The following IGF2BP2 variants were observed in gnomAD, a reference collection of about 807,000 sequenced individuals.
IGF2BP2 encodes insulin like growth factor 2 mRNA binding protein 2, also known as insulin-like growth factor 2 mRNA-binding protein 2.
Under a neutral mutation model 75.8 loss-of-function variants are expected in IGF2BP2, and 17 were observed. The observed-to-expected ratio is 0.22, with a 90% CI of 0.15 to 0.34. IGF2BP2 has a LOEUF of 0.34. IGF2BP2 is among the 10% of genes least tolerant of loss of function. The probability of loss-of-function intolerance (pLI) is 1.00; values close to 1 mark genes in which losing one functional copy is unlikely to be tolerated. For synonymous variants in IGF2BP2, 288 were observed against 295.6 expected (o/e 0.97, Z 0.26); for missense variants, 516 against 772.4 (o/e 0.67, Z 3.93).
intron 2 of IGF2BP2, among the ~76,000 whole-genome samples, chr3:185,722,911 G>C (rs1057241609): frequency 1.6e-4 from 24 of 152,146 alleles, no homozygotes; most frequent in Non-Finnish European, 2.6e-4. Flanking sequence ...CACTATGATA[G>C]AGTGTTTTCA....
intron 2 of IGF2BP2, among the ~76,000 whole-genome samples, chr3:185,775,270 C>T (rs1052089426): frequency 1.3e-5 from 2 of 152,086 alleles, no homozygotes; most frequent in African/African-American, 4.8e-5. Context: ...TGATTAATAC[C>T]CATATTACTG....
chr3:185,677,200 C>T (rs937213537), intron 7 of IGF2BP2, among the ~76,000 whole-genome samples: 2 of 149,668 alleles, frequency 1.3e-5, no homozygotes, highest in African/African-American at 2.5e-5. Flanking sequence ...GGGAGGAAAC[C>T]CTAAAGGCTG....
intron 2 of IGF2BP2, among the ~76,000 whole-genome samples, chr3:185,797,648 A>T (rs1264977486): frequency 1.3e-5 from 2 of 152,230 alleles, no homozygotes; most frequent in African/African-American, 4.8e-5. Context: ...TCATGCCTGT[A>T]ATCCCAGCAC....
At chr3:185,660,649 T>G (rs1716286263) in intron 10 of IGF2BP2, among the ~76,000 whole-genome samples, 1 of 152,144 alleles carries the variant, frequency 6.6e-6, no homozygotes, top group African/African-American at 2.4e-5. Context: ...CTTGGCAAGC[T>G]CAAGTTTTGC....
At chr3:185,657,244 G>A in intron 12 of IGF2BP2, 42 bp downstream of exon 12, 1 of 1,347,196 alleles carries the variant, frequency 7.4e-7, no homozygotes, top group Non-Finnish European at 1.1e-6. Flanking sequence ...GGGATGAGAG[G>A]AGGTGGTAGA....
At chr3:185,821,351 T>C (rs911031603) in intron 2 of IGF2BP2, among the ~76,000 whole-genome samples, 8 of 152,166 alleles carry the variant, frequency 5.3e-5, no homozygotes, top group Non-Finnish European at 1.2e-4. Flanking sequence ...CATCAACTAA[T>C]AGGGCTGTAT....
intron 5 of IGF2BP2, 51 bp downstream of exon 5, chr3:185,692,648 C>A (rs1347331953): frequency 2.8e-6 from 4 of 1,449,544 alleles, no homozygotes; most frequent in African/African-American, 1.4e-5. Flanking sequence ...CAATGGAATT[C>A]AAATATAAAA....
chr3:185,775,998 C>A (rs980829920), intron 2 of IGF2BP2, among the ~76,000 whole-genome samples: 1 of 152,196 alleles, frequency 6.6e-6, no homozygotes, highest in Non-Finnish European at 1.5e-5. Flanking sequence ...AATCCCAGCA[C>A]TTTGGGTGGC....
intron 2 of IGF2BP2, among the ~76,000 whole-genome samples, chr3:185,719,323 T>C (rs958097458): frequency 6.6e-6 from 1 of 152,132 alleles, no homozygotes; most frequent in Non-Finnish European, 1.5e-5. Flanking sequence ...TGATGAACAG[T>C]AGTATGAAAG....
chr3:185,645,574 T>A lies in IGF2BP2; in HGVS notation c.1757A>T (p.Glu586Val), dbSNP rs757317521. ...GGCGACTCCCTGAGGGTATTTCTGC[T>A]CCTGCTGCTTCACCTGTTGTACAAT... ...REIVQQVKQQ[E>V]QKYPQGVASQ... is the part of the protein sequence containing the mutation. The change falls in exon 16 of 16, where the codon GAG becomes GTG. Residue 586 changes from glutamate (E) to valine (V), a missense_variant. Physicochemically the swap from Glu to Val is moderately radical, Grantham distance 121 (BLOSUM62 -2). Coordinates refer to ENST00000382199, the MANE Select transcript of IGF2BP2 (RefSeq NM_006548.6). This position sits in a 1 kb window ranked among gnomAD's most constrained non-coding sequence, Gnocchi z 4.9. The A allele has an allele frequency of 2.0e-5, 33 of 1,613,752 alleles. No homozygotes were observed. The East Asian group carries it at 6.7e-4, about 33-fold the overall frequency.
At chr3:185,823,120 T>G in intron 2 of IGF2BP2, 33 bp downstream of exon 2, 1 of 1,482,858 alleles carries the variant, frequency 6.7e-7, no homozygotes, top group Non-Finnish European at 9.2e-7. Flanking sequence ...GTAAGGCCAA[T>G]CGCAAAAAAA....
intron 2 of IGF2BP2, among the ~76,000 whole-genome samples, chr3:185,814,626 G>A (rs1365326241): frequency 3.9e-5 from 6 of 152,104 alleles, no homozygotes; most frequent in Admixed American, 2.6e-4. Context: ...CTTGACTGAG[G>A]AAAGTAATTA....
chr3:185,722,276 C>T (rs1473833183), intron 2 of IGF2BP2: 2 of 455,594 alleles, frequency 4.4e-6, no homozygotes, highest in East Asian at 1.4e-4. Context: ...AACTGAGGCA[C>T]AAAAAGAGGA....
intron 2 of IGF2BP2, among the ~76,000 whole-genome samples, chr3:185,801,045 G>T (rs1738183554): frequency 6.6e-6 from 1 of 152,024 alleles, no homozygotes; most frequent in Admixed American, 6.6e-5. Context: ...AAGAGTGGGT[G>T]AAGGATATGA....
At chr3:185,713,409 C>CA (rs755520552) in intron 2 of IGF2BP2, 1 of 519,852 alleles carries the variant, frequency 1.9e-6, no homozygotes, top group Non-Finnish European at 3.8e-6. Context: ...GGAAAAGCAG[C>CA]AGTGGGCGGC....
At chr3:185,674,693 TA>T (rs1258751086) in intron 9 of IGF2BP2, among the ~76,000 whole-genome samples, 1 of 152,202 alleles carries the variant, frequency 6.6e-6, no homozygotes, top group Admixed American at 6.5e-5. Context: ...CAATATTATG[TA>T]AGGTTCAGAA....
intron 2 of IGF2BP2, among the ~76,000 whole-genome samples, chr3:185,811,877 T>TCC (rs955422439): frequency 5.0e-4 from 24 of 48,010 alleles, no homozygotes; most frequent in African/African-American, 3.0e-3. Context: ...TCTCTCTCTC[T>TCC]CCCCCTCTCC....
chr3:185,657,213 C>T (rs1715587727), intron 12 of IGF2BP2, 73 bp downstream of exon 12: 1 of 1,007,286 alleles, frequency 9.9e-7, no homozygotes, highest in Non-Finnish European at 1.6e-6. Context: ...CTGCCTGGGA[C>T]TGAGAGGGAA....
chr3:185,745,771 C>T (rs1312997886), intron 2 of IGF2BP2, among the ~76,000 whole-genome samples: 3 of 151,366 alleles, frequency 2.0e-5, no homozygotes, highest in Admixed American at 6.6e-5. Flanking sequence ...TCACAGTGCA[C>T]AGCATAGCTG....
Sources: gnomAD v4.1 joint callset for allele counts (sites outside exome capture counted in the v4.1 genomes callset) on GRCh38, gnomAD v4.1.1 for gene constraint, Gnocchi (gnomAD v3.1) non-coding constraint, MANE v1.5 for transcripts, NCBI Gene and HGNC (gene_info 2026-07-23, HGNC 2026-07-21) for gene names.